The following MGAM variants were observed in gnomAD, a reference collection of about 807,000 sequenced individuals.
MGAM encodes alpha-1,4-glucosidase.
MGAM carries 253 observed loss-of-function variants against 358.8 expected under a neutral mutation model. The observed-to-expected ratio is 0.71, with a 90% confidence interval of 0.64 to 0.78. The LOEUF (loss-of-function observed/expected upper bound fraction) is 0.78, where lower values mean the gene tolerates loss of function less well. Among genes scored for constraint, MGAM ranks in the 30% least tolerant of loss-of-function variants. The probability of loss-of-function intolerance (pLI) is 0.00; values close to 1 mark genes in which losing one functional copy is unlikely to be tolerated. For missense variants in MGAM, 3,080 were observed against 3,432.6 expected, an observed-to-expected ratio of 0.90 and a Z score of 2.57; for synonymous variants, 1,105 against 1,227.1, an observed-to-expected ratio of 0.90 and a Z score of 2.08.
At chr7:142,074,360 A>G (rs1227230149) in intron 45 of MGAM, among the ~76,000 whole-genome samples, 187 bp downstream of exon 45, 3 of 145,948 alleles carry the variant, frequency 2.1e-5, no homozygotes, top group Non-Finnish European at 4.6e-5. Context: ...CGAAAGAAAA[A>G]TGCATTTGTA....
intron 43 of MGAM, 127 bp from the exon 44 acceptor site, chr7:142,070,867 A>T: frequency 8.0e-7 from 1 of 1,250,558 alleles, no homozygotes; most frequent in Non-Finnish European, 1.1e-6. Flanking sequence ...GGGTAATAGC[A>T]GGTATGTTGC....
Position 142,034,797 on chromosome 7 carries a change from T to C in MGAM, c.1915T>C (p.Ser639Pro). 3 of 1,613,454 alleles carry C rather than the reference T, an allele frequency of 1.9e-6. No homozygotes were observed. Among genetic ancestry groups the C allele is most frequent in the East Asian group, 4.5e-5 (2 of 44,828 alleles). Residue 639 changes from serine (S) to proline (P), a missense_variant, in exon 16 of 71, where the codon TCC (serine) becomes CCC (proline). Physicochemically the swap from Ser to Pro is moderately conservative, Grantham distance 74. This residue lies in a region of MGAM where 1,816 missense variants were observed against 1,840.5 expected (regional missense o/e 0.99). Transcript: ENST00000475668. The part of the protein sequence containing the change: ...NTATWDDLRW[S>P]IPGVLEFNLF... ...TGCCACCTGGGATGACCTGAGATGG[T>C]CCATCCCTGGCGTGCTTGAGTTCAA...
intron 61 of MGAM, 57 bp downstream of exon 61, chr7:142,094,554 G>A (rs1815711158): frequency 6.4e-7 from 1 of 1,557,212 alleles, no homozygotes; most frequent in East Asian, 2.3e-5. Flanking sequence ...GGATCCTTGG[G>A]GAAGAGGTGA....
At chr7:142,060,418 C>A (rs376066567) in intron 34 of MGAM, 45 bp downstream of exon 34, 37 of 1,596,858 alleles carry the variant, frequency 2.3e-5, no homozygotes, top group Admixed American at 6.7e-5. Flanking sequence ...GGTTTGTAGG[C>A]AGGGGCAGCT....
Position 142,093,485 on chromosome 7 carries a change from C to T in MGAM, c.7107C>T (p.Gly2369=). 6.6e-7 allele frequency: 1 copy of T among 1,521,210 alleles called. No individual in the cohort carries two copies. The highest frequency in any genetic ancestry group is 2.4e-5 in the East Asian group (1 of 42,042). 94.2% of individuals were successfully genotyped at this position (1,521,210 alleles called of 1,614,324 possible). The change falls in exon 60 of 71, where the codon GGC becomes GGT. Residue 2369 remains glycine (G), a synonymous_variant. Transcript: ENST00000475668. The part of the protein sequence containing the change: ...CMESQQILPD[G]SPVQHYNVHN... ...AGAGTCAGCAGATCCTCCCAGACGG[C>T]TCCCCGGTGCAGCACTACAATGTGC... is the stretch of plus-strand genomic sequence containing the variant.
intron 21 of MGAM, among the ~76,000 whole-genome samples, chr7:142,047,342 G>A (rs1031196296): frequency 6.6e-5 from 10 of 152,098 alleles, no homozygotes; most frequent in African/African-American, 2.4e-4. Flanking sequence ...ATTATATGTT[G>A]TTGCTTTCTG....
rs567734340 is a variant in MGAM at position 142,078,321 on chromosome 7, G to A, written c.5497G>A (p.Ala1833Thr). The change falls in exon 48 of 71, where the codon GCC (alanine) becomes ACC (threonine). Residue 1833 changes from alanine (A) to threonine (T), a missense_variant. Ala to Thr is a moderately conservative substitution (Grantham distance 58). This residue lies in a region of MGAM where 932 missense variants were observed against 1,198.2 expected (regional missense o/e 0.78). Coordinates refer to ENST00000475668, the MANE Select transcript of MGAM (RefSeq NM_001365693.1). ...TGTGATTTCTGCATTCCTACAGGTC[G>A]CCATTATCACAGACATCAATCTTTT... ...TVTYDSNLKV[A>T]IITDINLFLG... 76 of 1,468,762 alleles carry A rather than the reference G, an allele frequency of 5.2e-5. 6 individuals are homozygous for A. The highest frequency in any genetic ancestry group is 4.6e-4 in the South Asian group (36 of 77,950). The allele number at this position is 1,468,762 out of a possible 1,614,324, so 91.0% of individuals were successfully genotyped here.
At chr7:142,083,795 TG>T (rs1246185126) in intron 53 of MGAM, among the ~76,000 whole-genome samples, 1 of 143,262 alleles carries the variant, frequency 7.0e-6, no homozygotes. Context: ...ATGATAGTGG[TG>T]GGGGTGGTGT....
rs182921681 is a variant in MGAM, at chr7:142,008,559, G to C, written c.181G>C (p.Asp61His). 6.2e-7 allele frequency: 1 copy of C among 1,612,560 alleles called. No individual in the cohort carries two copies. The highest frequency in any genetic ancestry group is 8.5e-7 in the Non-Finnish European group (1 of 1,179,198). Reference sequence around the variant, plus strand: ...AGATCCTGGGACAACTGGTACCCCAGATCCTGGAACAACTGGTACCACACA... The same window carrying C: ...AGATCCTGGGACAACTGGTACCCCACATCCTGGAACAACTGGTACCACACA... ...TPDPGTTGTP[D>H]PGTTGTTHAR... The change falls in exon 3 of 71, where the codon GAT becomes CAT. Residue 61 changes from aspartate (D) to histidine (H), a missense_variant. Physicochemically the swap from Asp to His is moderately conservative, Grantham distance 81. Coordinates refer to ENST00000475668, the MANE Select transcript of MGAM (RefSeq NM_001365693.1).
Position 142,099,651 on chromosome 7 carries a change from G to A in MGAM, c.7788G>A (p.Leu2596=), listed in dbSNP as rs1816273980. The A allele has an allele frequency of 6.2e-7, 1 of 1,613,958 alleles. No homozygotes were observed. The highest frequency in any genetic ancestry group is 1.3e-5 in the African/African-American group (1 of 75,050). The change falls in exon 67 of 71, where the codon TTG becomes TTA. Residue 2596 remains leucine (L), a synonymous_variant. Coordinates refer to ENST00000475668, the MANE Select transcript of MGAM (RefSeq NM_001365693.1). ...ATGCAAGAGGAGAGTGGAAGACCTT[G>A]CCAGCCCCTCTTGACCACATTAATC... ...DINARGEWKT[L]PAPLDHINLH... is the part of the protein sequence containing the mutation.
At chr7:142,059,749 T>C in intron 32 of MGAM, 107 bp from the exon 33 acceptor site, 1 of 1,566,246 alleles carries the variant, frequency 6.4e-7, no homozygotes, top group Non-Finnish European at 8.7e-7. Flanking sequence ...GAAACTCTAC[T>C]GTGCAGGTAG....
chr7:142,090,402 T>A (rs12703420), intron 57 of MGAM, among the ~76,000 whole-genome samples: 69,965 of 143,994 alleles, frequency 0.49, 22,792 homozygotes, highest in Non-Finnish European at 0.62. Flanking sequence ...TGGAGCTCTC[T>A]GTTTCTGGTG....
intron 31 of MGAM, among the ~76,000 whole-genome samples, chr7:142,058,862 C>T (rs1345250479): frequency 1.3e-5 from 2 of 152,206 alleles, no homozygotes; most frequent in Non-Finnish European, 2.9e-5. Context: ...GGGACCCAGT[C>T]ATCAGAGAAT....
chr7:142,082,438 T>G, intron 51 of MGAM, 37 bp from the exon 52 acceptor site: 1 of 1,428,204 alleles, frequency 7.0e-7, no homozygotes, highest in Non-Finnish European at 9.6e-7. Flanking sequence ...GCATAATGTC[T>G]TTTAAACTCC....
At chr7:142,023,251 A>G (rs1211942722) in intron 7 of MGAM, among the ~76,000 whole-genome samples, 2 of 151,658 alleles carry the variant, frequency 1.3e-5, no homozygotes, top group African/African-American at 4.8e-5. Context: ...TTTTGTAGAG[A>G]CTGTGTTTCG....
intron 68 of MGAM, among the ~76,000 whole-genome samples, chr7:142,101,914 A>C (rs1439508457): frequency 6.6e-6 from 1 of 151,612 alleles, no homozygotes; most frequent in African/African-American, 2.4e-5. Context: ...GTCTCAAAAA[A>C]AAAAAAGAAA....
chr7:142,032,179 C>T (rs996874756), intron 13 of MGAM, among the ~76,000 whole-genome samples: 4 of 151,810 alleles, frequency 2.6e-5, no homozygotes, highest in Non-Finnish European at 5.9e-5. Flanking sequence ...TGATCAGAGC[C>T]AAAGTACTCA....
chr7:142,088,780 TCTA>T (rs879656558), intron 57 of MGAM, among the ~76,000 whole-genome samples: 1,461 of 135,052 alleles, frequency 0.011, 185 homozygotes, highest in Non-Finnish European at 0.018. Flanking sequence ...TATCTATCTA[TCTA>T]TCTATCTATC....
intron 34 of MGAM, among the ~76,000 whole-genome samples, chr7:142,061,568 T>C (rs1812203350): frequency 6.6e-6 from 1 of 152,160 alleles, no homozygotes; most frequent in South Asian, 2.1e-4. Flanking sequence ...ACCTGCCCTT[T>C]ATCTGTGGTG....
Sources: gnomAD v4.1 joint callset for allele counts (sites outside exome capture counted in the v4.1 genomes callset) on GRCh38, gnomAD v4.1.1 for gene constraint, gnomAD v4.1.1 regional missense constraint, MANE v1.5 for transcripts, NCBI Gene and HGNC (gene_info 2026-07-23, HGNC 2026-07-21) for gene names.